Variants in PHYKPL observed in about 807,000 individuals in gnomAD.
PHYKPL encodes the protein 5-phosphohydroxy-L-lysine phospho-lyase, also known as 5-phosphonooxy-L-lysine phospho-lyase.
A neutral mutation model predicts 51.3 loss-of-function variants in PHYKPL; 42 were observed. That is an observed-to-expected ratio of 0.82 (90% CI 0.64 to 1.06). The LOEUF (loss-of-function observed/expected upper bound fraction) is 1.06. Among genes scored for constraint, PHYKPL ranks in the 50% least tolerant of loss-of-function variants. The pLI is 0.00. For missense variants in PHYKPL, 655 were observed against 586.6 expected, an observed-to-expected ratio of 1.12 and a Z score of -1.20; for synonymous variants, 264 against 236.0, an observed-to-expected ratio of 1.12 and a Z score of -1.09.
intron 12 of PHYKPL, among the ~76,000 whole-genome samples, chr5:178,209,858 T>C (rs1037857866): frequency 3.3e-5 from 5 of 152,152 alleles, no homozygotes. Context: ...AAGGCTAAGC[T>C]GCCAAGGAGA....
intron 12 of PHYKPL, chr5:178,210,294 C>A: frequency 1.9e-6 from 3 of 1,613,934 alleles, no homozygotes; most frequent in Non-Finnish European, 2.5e-6. Context: ...AGAGGGAGGC[C>A]CCATCCGCTC....
chr5:178,232,283 C>T lies in PHYKPL; in HGVS notation c.59+209G>A, dbSNP rs866799601. ...AGACGGCGCTGTCGGGGAGGCGGCC[C>T]CGGAGACCACCCGCCGGGACTGCCC... On this transcript the variant is annotated intron_variant, in intron 1 of 12. Transcript: ENST00000308158. 1.1e-4 allele frequency: 136 copies of T among 1,246,556 alleles called. No homozygotes were observed. In the African/African-American group the frequency reaches 2.0e-3, roughly 18 times the overall value. The allele number at this position is 1,246,556 out of a possible 1,614,324, so 77.2% of individuals were successfully genotyped here.
At chr5:178,229,776 G>A in intron 3 of PHYKPL, 164 bp downstream of exon 3, 7 of 762,224 alleles carry the variant, frequency 9.2e-6, no homozygotes, top group Non-Finnish European at 4.1e-6. Flanking sequence ...GGATCCAACA[G>A]AGAAAGCATC....
intron 1 of PHYKPL, chr5:178,231,949 C>A: frequency 8.0e-7 from 1 of 1,244,932 alleles, no homozygotes; most frequent in Non-Finnish European, 1.0e-6. Flanking sequence ...CGTGGCCCTG[C>A]TGCCCCTCGC....
chr5:178,224,410 C>T lies in PHYKPL; in HGVS notation c.618+38G>A, dbSNP rs779823930. On this transcript the variant is annotated intron_variant, in intron 6 of 12. Transcript: ENST00000308158. ...TGGCGGTGACAACGGAGGTGACATT[C>T]ACTGTTGGCTGGATTGGACAGGCGC... The T allele has an allele frequency of 2.0e-6, 3 of 1,518,144 alleles. No homozygotes were observed. The Admixed American group carries it at 6.0e-5, about 30-fold the overall frequency. The allele number at this position is 1,518,144 out of a possible 1,614,324, so 94.0% of individuals were successfully genotyped here.
chr5:178,211,013 T>G, intron 12 of PHYKPL: 1 of 205,938 alleles, frequency 4.9e-6, no homozygotes, highest in Non-Finnish European at 9.8e-6. Context: ...CGTCATACAT[T>G]TCCTGTAACG....
chr5:178,229,852 G>C, intron 3 of PHYKPL, 88 bp downstream of exon 3: 3 of 1,509,722 alleles, frequency 2.0e-6, no homozygotes, highest in Non-Finnish European at 2.7e-6. Flanking sequence ...GTCCACACTC[G>C]GTCAGCTACA....
chr5:178,218,071 G>A, intron 8 of PHYKPL, among the ~76,000 whole-genome samples: 1 of 111,796 alleles, frequency 8.9e-6, no homozygotes. Context: ...ACAAAAATTA[G>A]CCGGGCGTGG....
intron 12 of PHYKPL, chr5:178,211,074 T>C (rs1444125369): frequency 1.1e-5 from 2 of 178,640 alleles, no homozygotes; most frequent in Admixed American, 1.1e-4. Context: ...ATCTAATGTA[T>C]TGTAAGGTAT....
downstream of PHYKPL, among the ~76,000 whole-genome samples, chr5:178,207,400 T>A (rs7705458): frequency 6.6e-6 from 1 of 152,182 alleles, no homozygotes; most frequent in Non-Finnish European, 1.5e-5. Context: ...GAAAGACTTC[T>A]CAGGCTGGGA....
rs751545603 is a variant in PHYKPL, at chr5:178,211,996, G to GACTC, written c.1304-30_1304-27dup. On this transcript the variant is annotated intron_variant, in intron 11 of 12. Transcript: ENST00000308158. ...CTGAAAAAGACCACAAAGCAATGCCGACTCAGTCACCTTTCTCTGCTGAAG... is the reference window on the plus strand; with the variant it reads ...CTGAAAAAGACCACAAAGCAATGCCGACTCACTCAGTCACCTTTCTCTGCTGAAG... 3 of 1,613,700 alleles carry GACTC rather than the reference G, an allele frequency of 1.9e-6. 1 individual carries two copies. The highest frequency in any genetic ancestry group is 2.5e-6 in the Non-Finnish European group (3 of 1,179,736).
At position 178,213,083 on chromosome 5, in the gene PHYKPL, A is replaced by G; in HGVS notation, c.1193T>C (p.Leu398Ser). The G allele has an allele frequency of 5.6e-6, 9 of 1,614,198 alleles. No individual in the cohort carries two copies. The highest frequency in any genetic ancestry group is 7.6e-6 in the Non-Finnish European group (9 of 1,180,000). The change falls in exon 11 of 13, where the codon TTG becomes TCG. Residue 398 changes from leucine (L) to serine (S), a missense_variant. Leu to Ser is a moderately radical substitution (Grantham distance 145). Transcript: ENST00000308158. ...CCTCCCAGGGCCATCAGTGCTCAGC[A>G]AAACGTAGTTCTCCTTCAGCCTGTG... ...LVSRLKENYV[L>S]LSTDGPGRNI...
At chr5:178,217,710 T>A (rs113488901) in intron 8 of PHYKPL, among the ~76,000 whole-genome samples, 11,459 of 149,892 alleles carry the variant, frequency 0.076, 595 homozygotes, top group Non-Finnish European at 0.11. Context: ...TACAAAAGAT[T>A]AGCTGGGCAT....
intron 2 of PHYKPL, chr5:178,230,861 CACAA>C (rs1763249119): frequency 6.5e-6 from 1 of 153,684 alleles, no homozygotes; most frequent in Admixed American, 6.4e-5. Flanking sequence ...TGCCCGAGAT[CACAA>C]GTTAGTAAGT....
At chr5:178,223,749 GC>G in intron 6 of PHYKPL, 1 of 328,036 alleles carries the variant, frequency 3.0e-6, no homozygotes, top group Non-Finnish European at 6.0e-6. Flanking sequence ...CCTTCAGAGA[GC>G]CCTCACCTGT....
At chr5:178,222,333 T>C (rs369759314) in intron 8 of PHYKPL, 22 bp downstream of exon 8, 4 of 1,594,722 alleles carry the variant, frequency 2.5e-6, no homozygotes, top group Admixed American at 1.7e-5. Flanking sequence ...TGTTGCTCCC[T>C]TGACTTAGAG....
chr5:178,232,057 C>A, intron 1 of PHYKPL: 5 of 1,190,190 alleles, frequency 4.2e-6, no homozygotes, highest in East Asian at 5.8e-5. Flanking sequence ...AACCGACTCC[C>A]CCGACTCTCC....
chr5:178,210,627 G>C lies in PHYKPL; in HGVS notation c.*31+1263C>G, dbSNP rs200876071. The C allele has an allele frequency of 4.3e-6, 7 of 1,611,926 alleles. No homozygotes were observed. In the Admixed American group the frequency reaches 5.0e-5, roughly 12 times the overall value. ...GAATAACTACAAGCCATACTGAGGCGGCAGCAGGAGCGACCAACTGATCGC... is the reference window on the plus strand; with the variant it reads ...GAATAACTACAAGCCATACTGAGGCCGCAGCAGGAGCGACCAACTGATCGC... On this transcript the variant is annotated intron_variant, in intron 12 of 12. Coordinates refer to ENST00000308158, the MANE Select transcript of PHYKPL (RefSeq NM_153373.4).
At chr5:178,225,259 CCT>C (rs1284885636) in intron 4 of PHYKPL, 94 bp downstream of exon 4, 1 of 1,427,696 alleles carries the variant, frequency 7.0e-7, no homozygotes, top group East Asian at 2.3e-5. Context: ...GGCCCCTTAT[CCT>C]CCCTGCCTAA....
Sources: allele counts gnomAD v4.1 joint callset (sites outside exome capture counted in the v4.1 genomes callset), GRCh38; gene constraint gnomAD v4.1.1; transcripts MANE v1.5; gene names NCBI Gene and HGNC (gene_info 2026-07-23, HGNC 2026-07-21).